Variants in PSMC1 observed in about 807,000 individuals in gnomAD.
PSMC1 encodes proteasome 26S subunit, ATPase 1.
In PSMC1, 5 loss-of-function variants were observed where a neutral mutation model predicts 49.8. The ratio of observed to expected loss-of-function variants is 0.10; its 90% confidence interval spans 0.05 to 0.21. PSMC1 has a LOEUF of 0.21. Among genes scored for constraint, PSMC1 ranks in the 10% least tolerant of loss-of-function variants. The pLI is 1.00. For synonymous variants in PSMC1, 155 were observed against 192.1 expected, an observed-to-expected ratio of 0.81 and a Z score of 1.60; for missense variants, 181 against 535.7, an observed-to-expected ratio of 0.34 and a Z score of 6.54.
At chr14:90,257,353 G>T (rs1349603202) in intron 1 of PSMC1, among the ~76,000 whole-genome samples, 1 of 152,110 alleles carries the variant, frequency 6.6e-6, no homozygotes, top group Non-Finnish European at 1.5e-5. Flanking sequence ...GGGTGGGGTG[G>T]TCATTGTTGT....
intron 1 of PSMC1, among the ~76,000 whole-genome samples, chr14:90,257,347 G>T (rs1035140707): frequency 6.6e-6 from 1 of 152,088 alleles, no homozygotes; most frequent in Non-Finnish European, 1.5e-5. Flanking sequence ...TGTCAGGGGT[G>T]GGGTGGTCAT....
Position 90,264,338 on chromosome 14 carries a change from A to G in PSMC1, c.594+169A>G, listed in dbSNP as rs79005351. On this transcript the variant is annotated intron_variant, in intron 6 of 10. Transcript: ENST00000261303. ...GTATTTGTTAATACTGAGTTAGGTG[A>G]TAGAAATAACAGTCAGTTGTGTGAT... Among the ~76,000 whole-genome samples the G allele has an allele frequency of 3.9e-4, 59 of 152,322 alleles. 1 individual carries two copies. In the East Asian group the frequency reaches 0.011, roughly 28 times the overall value.
chr14:90,260,145 C>A lies in PSMC1; in HGVS notation c.88C>A (p.Pro30Thr). ...GAAAAAGAAATATGAACCTCCTGTA[C>A]CAACTAGAGTGGGGAAAAAGAAGAA... The part of the protein sequence containing the change: ...DKKKKYEPPV[P>T]TRVGKKKKKT... The change falls in exon 3 of 11, where the codon CCA (proline) becomes ACA (threonine). Residue 30 changes from proline to threonine, a missense_variant. Coordinates refer to ENST00000261303, the MANE Select transcript of PSMC1 (RefSeq NM_002802.3). 1 of 1,608,854 alleles carries A rather than the reference C, an allele frequency of 6.2e-7. No individual in the cohort carries two copies. The highest frequency in any genetic ancestry group is 8.5e-7 in the Non-Finnish European group (1 of 1,178,556).
At chr14:90,260,348 TC>T (rs1891373673) in intron 3 of PSMC1, 137 bp downstream of exon 3, 4 of 648,280 alleles carry the variant, frequency 6.2e-6, no homozygotes, top group Non-Finnish European at 1.1e-5. Flanking sequence ...CATTTCTACC[TC>T]ACTCTTGAGT....
In PSMC1 at chr14:90,273,980, A is replaced by G. The variant is rs1891733199; in HGVS notation, c.*1573A>G. 6.5e-6 allele frequency: 1 copy of G among 154,580 alleles called. No individual in the cohort carries two copies. Among genetic ancestry groups the G allele is most frequent in the African/African-American group, 2.4e-5 (1 of 41,474 alleles). The allele number at this position is 154,580 out of a possible 1,614,324, so 9.6% of individuals were successfully genotyped here. Reference sequence around the variant, plus strand: ...TAATTTCCCTGTTTTAAAGTTTACAATCTTCTTAATTTTTATCTGCAAAGT... The same window carrying G: ...TAATTTCCCTGTTTTAAAGTTTACAGTCTTCTTAATTTTTATCTGCAAAGT... On this transcript the variant is annotated 3_prime_UTR_variant, in exon 11 of 11. Coordinates refer to ENST00000261303, the MANE Select transcript of PSMC1 (RefSeq NM_002802.3).
chr14:90,258,063 G>T (rs531127205), intron 1 of PSMC1, among the ~76,000 whole-genome samples: 4 of 151,862 alleles, frequency 2.6e-5, no homozygotes, highest in African/African-American at 9.7e-5. Context: ...AAGCCCCATC[G>T]TTTTTTTTCT....
At chr14:90,261,939 C>T (rs1328034359) in intron 3 of PSMC1, among the ~76,000 whole-genome samples, 1 of 151,796 alleles carries the variant, frequency 6.6e-6, no homozygotes, top group Non-Finnish European at 1.5e-5. Flanking sequence ...GAAAATGTGG[C>T]ACATATACAC....
chr14:90,264,268 A>C, intron 6 of PSMC1, 99 bp downstream of exon 6: 1 of 1,517,136 alleles, frequency 6.6e-7, no homozygotes. Flanking sequence ...TTATTTATTA[A>C]TCAAACCAGT....
intron 10 of PSMC1, chr14:90,271,892 ATT>A (rs58641715): frequency 6.4e-4 from 89 of 140,116 alleles, no homozygotes; most frequent in Middle Eastern, 3.6e-3. Flanking sequence ...TTCAGAACAG[ATT>A]TTTTTTTTTT....
At chr14:90,267,287 G>A (rs538237094) in intron 7 of PSMC1, among the ~76,000 whole-genome samples, 1 of 151,708 alleles carries the variant, frequency 6.6e-6, no homozygotes, top group Non-Finnish European at 1.5e-5. Flanking sequence ...TCAGCCTCCC[G>A]AGTAGCTAGG....
intron 7 of PSMC1, among the ~76,000 whole-genome samples, chr14:90,266,241 C>T (rs1443292777): frequency 6.7e-6 from 1 of 149,986 alleles, no homozygotes; most frequent in Non-Finnish European, 1.5e-5. Flanking sequence ...GGTGACAGAG[C>T]GAGACCATCT....
In PSMC1 at chr14:90,273,979, A is replaced by AATC. The variant is rs1350650686; in HGVS notation, c.*1573_*1575dup. On this transcript the variant is annotated 3_prime_UTR_variant, in exon 11 of 11. Transcript: ENST00000261303. ...ATAATTTCCCTGTTTTAAAGTTTACAATCTTCTTAATTTTTATCTGCAAAG... is the reference window on the plus strand; with the variant it reads ...ATAATTTCCCTGTTTTAAAGTTTACAATCATCTTCTTAATTTTTATCTGCAAAG... The AATC allele has an allele frequency of 2.2e-5, 3 of 133,550 alleles. No homozygotes were observed. The highest frequency in any genetic ancestry group is 5.1e-5 in the African/African-American group (2 of 38,978). The allele number at this position is 133,550 out of a possible 1,614,324, so 8.3% of individuals were successfully genotyped here. A position where few individuals can be genotyped will look rare whatever the true frequency, so the allele number is the denominator to read the frequency against.
intron 3 of PSMC1, 124 bp downstream of exon 3, chr14:90,260,335 A>AT: frequency 1.5e-6 from 1 of 666,102 alleles, no homozygotes; most frequent in East Asian, 2.6e-5. Context: ...TAGCTTTGTG[A>AT]TTCATTTCTA....
At chr14:90,260,083 A>AT (rs34687657) in intron 2 of PSMC1, 32 bp from the exon 3 acceptor site, 441,756 of 1,241,290 alleles carry the variant, frequency 0.36, 73,396 homozygotes, top group East Asian at 0.49. Flanking sequence ...TTTTCATGTG[A>AT]TTTTTTTTTC....
At position 90,273,231 on chromosome 14, in the gene PSMC1, AT is replaced by A. The variant is rs1258759519; in HGVS notation, c.*825del. ...AGGAGTGTGTATTAGTTTTCTGTTA[AT>A]ACTATAACAAGTTACCACAGGCTTT... On this transcript the variant is annotated 3_prime_UTR_variant, in exon 11 of 11. Coordinates refer to ENST00000261303, the MANE Select transcript of PSMC1 (RefSeq NM_002802.3). 2.7e-5 allele frequency: 4 copies of A among 146,690 alleles called. No homozygotes were observed. The highest frequency in any genetic ancestry group is 6.2e-5 in the Non-Finnish European group (4 of 64,648). 9.1% of individuals were successfully genotyped at this position (146,690 alleles called of 1,614,324 possible).
intron 3 of PSMC1, among the ~76,000 whole-genome samples, chr14:90,262,163 G>GGGGGA (rs1236248040): frequency 3.1e-5 from 3 of 98,226 alleles, no homozygotes; most frequent in African/African-American, 1.1e-4. Flanking sequence ...GTGGGGGGAG[G>GGGGGA]GGGAGGGATA....
At chr14:90,262,651 GCA>G (rs755420057) in intron 3 of PSMC1, among the ~76,000 whole-genome samples, 31 of 152,146 alleles carry the variant, frequency 2.0e-4, no homozygotes, top group Non-Finnish European at 3.7e-4. Flanking sequence ...GGGCGTGGTG[GCA>G]CACACCTGTA....
chr14:90,260,314 A>G (rs1162990171), intron 3 of PSMC1, 103 bp downstream of exon 3: 40 of 761,340 alleles, frequency 5.3e-5, no homozygotes, highest in Non-Finnish European at 8.4e-5. Flanking sequence ...GTAGAGGGGC[A>G]ACTGAAGCTC....
At chr14:90,265,260 A>C in intron 7 of PSMC1, 94 bp downstream of exon 7, 1 of 822,878 alleles carries the variant, frequency 1.2e-6, no homozygotes, top group Admixed American at 2.4e-5. Flanking sequence ...AAGAGAGGAC[A>C]CCACAATTCC....
Sources: gnomAD v4.1 joint callset for allele counts (sites outside exome capture counted in the v4.1 genomes callset) on GRCh38, gnomAD v4.1.1 for gene constraint, MANE v1.5 for transcripts, NCBI Gene and HGNC (gene_info 2026-07-23, HGNC 2026-07-21) for gene names.